Variants in ROBO1 observed in about 807,000 individuals in gnomAD.
ROBO1 encodes the protein roundabout guidance receptor 1, also known as roundabout homolog 1.
Under a neutral mutation model 195.9 loss-of-function variants are expected in ROBO1, and 149 were observed. The ratio of observed to expected loss-of-function variants is 0.76; its 90% confidence interval spans 0.67 to 0.87. The LOEUF is 0.87. Ranked by LOEUF, ROBO1 falls within the 40% of genes least tolerant of loss-of-function variation. The pLI is 0.00. For missense variants in ROBO1, 1,933 were observed against 2,068.3 expected (o/e 0.93, Z 1.27); for synonymous variants, 816 against 733.2 (o/e 1.11, Z -1.82).
chr3:78,687,449 C>G (rs894593083), intron 9 of ROBO1, among the ~76,000 whole-genome samples: 1 of 152,072 alleles, frequency 6.6e-6, no homozygotes, highest in African/African-American at 2.4e-5. Flanking sequence ...GCATTCCCTA[C>G]CAAATATTAA....
chr3:79,422,824 TTA>T (rs774297249), intron 2 of ROBO1, among the ~76,000 whole-genome samples: 1 of 152,080 alleles, frequency 6.6e-6, no homozygotes, highest in Non-Finnish European at 1.5e-5. Context: ...CAAGAGTACT[TTA>T]TCTTTGCTCA....
At chr3:79,269,096 G>A (rs1041148293) in intron 2 of ROBO1, among the ~76,000 whole-genome samples, 4 of 151,474 alleles carry the variant, frequency 2.6e-5, no homozygotes, top group African/African-American at 9.7e-5. Flanking sequence ...TAACTAGATA[G>A]AGCAAATGTG....
intron 4 of ROBO1, among the ~76,000 whole-genome samples, chr3:78,770,783 C>T (rs2083353402): frequency 6.6e-6 from 1 of 152,068 alleles, no homozygotes; most frequent in Admixed American, 6.6e-5. Context: ...ACCTTTAATC[C>T]AGATGGGTGT....
intron 1 of ROBO1, among the ~76,000 whole-genome samples, chr3:79,681,922 G>A (rs945282384): frequency 5.9e-5 from 9 of 151,916 alleles, no homozygotes; most frequent in East Asian, 1.9e-4. Context: ...AACATCAATC[G>A]TTTATCATAT....
chr3:78,885,909 T>TTATATATATATATATATATATATATA (rs10651992), intron 4 of ROBO1, among the ~76,000 whole-genome samples: 4 of 117,750 alleles, frequency 3.4e-5, no homozygotes, highest in East Asian at 5.1e-4. Context: ...TAGCAAAATT[T>TTATATATATATATATATATATATATA]TATATATATA....
chr3:78,715,435 T>A (rs2081877377), intron 7 of ROBO1, among the ~76,000 whole-genome samples: 1 of 152,208 alleles, frequency 6.6e-6, no homozygotes, highest in Non-Finnish European at 1.5e-5. Flanking sequence ...TCAGACAGTT[T>A]ACATCTCTGA....
chr3:78,952,093 GTATT>G (rs1380359794), intron 3 of ROBO1, among the ~76,000 whole-genome samples: 2 of 151,428 alleles, frequency 1.3e-5, no homozygotes, highest in Non-Finnish European at 2.9e-5. Context: ...AGAAAAAACA[GTATT>G]TATTTTATTA....
intron 2 of ROBO1, among the ~76,000 whole-genome samples, chr3:79,572,346 A>G (rs1194554598): frequency 1.3e-5 from 2 of 152,084 alleles, no homozygotes; most frequent in Non-Finnish European, 2.9e-5. Flanking sequence ...AAACACTTCA[A>G]TCTGATGCAC....
At chr3:78,720,895 G>A (rs905984703) in intron 5 of ROBO1, among the ~76,000 whole-genome samples, 4 of 150,136 alleles carry the variant, frequency 2.7e-5, no homozygotes, top group South Asian at 2.1e-4. Flanking sequence ...ACTGAACAAT[G>A]AGAACACTTG....
chr3:79,559,420 T>C (rs1346560560), intron 2 of ROBO1, among the ~76,000 whole-genome samples: 1 of 152,094 alleles, frequency 6.6e-6, no homozygotes, highest in African/African-American at 2.4e-5. Context: ...AAACCTACTA[T>C]AGGGAAAAAA....
intron 2 of ROBO1, among the ~76,000 whole-genome samples, chr3:79,218,921 T>A (rs2082095524): frequency 6.6e-6 from 1 of 151,978 alleles, no homozygotes; most frequent in Admixed American, 6.6e-5. Flanking sequence ...TCTAATTGAA[T>A]AGGATATTTG....
chr3:79,007,318 T>C (rs768533627), intron 3 of ROBO1, among the ~76,000 whole-genome samples: 4 of 152,172 alleles, frequency 2.6e-5, no homozygotes, highest in Non-Finnish European at 5.9e-5. Flanking sequence ...AAATTGTAAA[T>C]GTCTATGCTA....
At chr3:79,747,049 G>A (rs761144811) in intron 1 of ROBO1, among the ~76,000 whole-genome samples, 1 of 151,960 alleles carries the variant, frequency 6.6e-6, no homozygotes, top group Non-Finnish European at 1.5e-5. Context: ...GAGTATTCCA[G>A]CCCATAAATC....
chr3:78,893,256 G>A (rs1450829563), intron 4 of ROBO1, among the ~76,000 whole-genome samples: 1 of 152,212 alleles, frequency 6.6e-6, no homozygotes, highest in Non-Finnish European at 1.5e-5. Flanking sequence ...ATTAGGCCAT[G>A]AGCGCTCCTC....
chr3:78,749,755 C>T (rs916682842), intron 4 of ROBO1, among the ~76,000 whole-genome samples: 3 of 152,028 alleles, frequency 2.0e-5, no homozygotes, highest in African/African-American at 7.2e-5. Flanking sequence ...GCAGAAAAAC[C>T]AAAAGCATCC....
At chr3:78,708,177 C>A (rs1463445679) in intron 8 of ROBO1, among the ~76,000 whole-genome samples, 1 of 152,020 alleles carries the variant, frequency 6.6e-6, no homozygotes, top group African/African-American at 2.4e-5. Context: ...ATCATTGAAG[C>A]AAGGAATCAC....
intron 1 of ROBO1, among the ~76,000 whole-genome samples, chr3:79,743,955 T>G (rs1289663247): frequency 6.6e-6 from 1 of 152,190 alleles, no homozygotes; most frequent in Non-Finnish European, 1.5e-5. Context: ...TGTTTTACAA[T>G]TAACTTTTTT....
At chr3:79,762,078 C>T (rs1704729101) in intron 1 of ROBO1, among the ~76,000 whole-genome samples, 1 of 152,114 alleles carries the variant, frequency 6.6e-6, no homozygotes, top group African/African-American at 2.4e-5. Context: ...GTCTTAGTAT[C>T]TTTAGGGTGC....
intron 1 of ROBO1, among the ~76,000 whole-genome samples, chr3:79,681,141 C>T (rs538011631): frequency 6.6e-6 from 1 of 152,046 alleles, no homozygotes; most frequent in Admixed American, 6.6e-5. Flanking sequence ...AAGAGACTAA[C>T]ATTATGTAGG....
Sources: allele counts gnomAD v4.1 joint callset (sites outside exome capture counted in the v4.1 genomes callset), GRCh38; gene constraint gnomAD v4.1.1; transcripts MANE v1.5; gene names NCBI Gene and HGNC (gene_info 2026-07-23, HGNC 2026-07-21).